Variants in AKT3 observed in about 807,000 individuals in gnomAD.
AKT3 encodes RAC-gamma serine/threonine-protein kinase.
AKT3 carries 15 observed loss-of-function variants against 65.3 expected under a neutral mutation model. That is an observed-to-expected ratio of 0.23 (90% CI 0.15 to 0.35). The LOEUF is 0.35. AKT3 is among the 10% of genes least tolerant of loss of function. AKT3 has a pLI of 1.00. For synonymous variants in AKT3, 206 were observed against 183.8 expected (o/e 1.12, Z -0.98); for missense variants, 243 against 576.5 (o/e 0.42, Z 5.92).
At chr1:243,696,688 G>A (rs1572187184) in intron 2 of AKT3, among the ~76,000 whole-genome samples, 1 of 151,912 alleles carries the variant, frequency 6.6e-6, no homozygotes, top group South Asian at 2.1e-4. Context: ...AACATCTGAA[G>A]GTTCCCCTCC....
At chr1:243,670,910 T>A (rs1683112933) in intron 3 of AKT3, among the ~76,000 whole-genome samples, 1 of 152,104 alleles carries the variant, frequency 6.6e-6, no homozygotes. Context: ...CTGCAACATG[T>A]CAGACCAAGA....
At chr1:243,768,826 C>T (rs1204280722) in intron 2 of AKT3, among the ~76,000 whole-genome samples, 1 of 139,050 alleles carries the variant, frequency 7.2e-6, no homozygotes, top group Non-Finnish European at 1.5e-5. Flanking sequence ...GACAGTGATC[C>T]GCCACAAAAA....
chr1:243,527,918 CACACACACACACACACACAG>C (rs1319291670), intron 12 of AKT3, among the ~76,000 whole-genome samples: 2,233 of 96,442 alleles, frequency 0.023, 70 homozygotes, highest in African/African-American at 0.051. Context: ...CACACACACA[CACACACACACACACACACAG>C]AGAGAGAGAG....
intron 8 of AKT3, among the ~76,000 whole-genome samples, chr1:243,578,236 A>G (rs1675088473): frequency 6.6e-6 from 1 of 152,162 alleles, no homozygotes; most frequent in Non-Finnish European, 1.5e-5. Flanking sequence ...ACGTGCATGC[A>G]TATGTTCACT....
chr1:243,548,591 A>G (rs1445373443), intron 11 of AKT3, among the ~76,000 whole-genome samples: 2 of 152,222 alleles, frequency 1.3e-5, no homozygotes, highest in Non-Finnish European at 2.9e-5. Flanking sequence ...CTTCAAAAAT[A>G]ATAACAAAAT....
chr1:243,672,927 G>A (rs931845997), intron 3 of AKT3, among the ~76,000 whole-genome samples: 16 of 152,040 alleles, frequency 1.1e-4, no homozygotes, highest in African/African-American at 3.4e-4. Flanking sequence ...CCAAATAAAC[G>A]TACTGTGGTC....
intron 2 of AKT3, among the ~76,000 whole-genome samples, chr1:243,804,634 C>A (rs1044779132): frequency 7.9e-5 from 12 of 152,130 alleles, no homozygotes; most frequent in African/African-American, 2.7e-4. Flanking sequence ...ATCACGAGGT[C>A]AGAAGATCGA....
intron 8 of AKT3, among the ~76,000 whole-genome samples, chr1:243,585,230 A>T (rs146317190): frequency 1.3e-3 from 205 of 152,284 alleles, no homozygotes; most frequent in African/African-American, 4.4e-3. Flanking sequence ...AAAAGAAATC[A>T]TACATGACAC....
intron 13 of AKT3, among the ~76,000 whole-genome samples, chr1:243,489,754 G>A (rs1035854575): frequency 2.6e-5 from 4 of 152,170 alleles, no homozygotes; most frequent in East Asian, 1.9e-4. Context: ...GCCCAGACAA[G>A]CATTACAGCT....
chr1:243,614,959 A>C (rs1191385278), intron 7 of AKT3, 137 bp downstream of exon 7: 6 of 663,502 alleles, frequency 9.0e-6, no homozygotes, highest in Non-Finnish European at 1.5e-5. Context: ...ATAAGTTATA[A>C]GAAATTTGAC....
intron 2 of AKT3, among the ~76,000 whole-genome samples, chr1:243,805,584 A>G (rs1324920255): frequency 6.6e-6 from 1 of 152,076 alleles, no homozygotes; most frequent in Non-Finnish European, 1.5e-5. Flanking sequence ...AATCCCTGAA[A>G]CTGAATTCAT....
chr1:243,574,928 T>C (rs1314403859), intron 8 of AKT3, among the ~76,000 whole-genome samples: 2 of 152,166 alleles, frequency 1.3e-5, no homozygotes, highest in Non-Finnish European at 1.5e-5. Flanking sequence ...CCTAAATCGA[T>C]ATAATATATG....
intron 2 of AKT3, among the ~76,000 whole-genome samples, chr1:243,823,770 A>G (rs1045957386): frequency 6.6e-6 from 1 of 152,208 alleles, no homozygotes; most frequent in Non-Finnish European, 1.5e-5. Context: ...ACACAAACAA[A>G]TGGAAAAACA....
At chr1:243,725,268 A>T (rs1687142641) in intron 2 of AKT3, among the ~76,000 whole-genome samples, 1 of 152,116 alleles carries the variant, frequency 6.6e-6, no homozygotes, top group Admixed American at 6.6e-5. Flanking sequence ...GAAAGTGTTG[A>T]CAGTTTCAGA....
chr1:243,657,459 A>C (rs1681894246), intron 4 of AKT3, among the ~76,000 whole-genome samples: 1 of 152,214 alleles, frequency 6.6e-6, no homozygotes, highest in Non-Finnish European at 1.5e-5. Flanking sequence ...AGATTTGTAC[A>C]CTGAAAACTA....
At position 243,616,938 on chromosome 1, in the gene AKT3, T is replaced by A. The variant is rs535900853; in HGVS notation, c.562-1777A>T. ...CAATGTCATATCGTACTATAGTTCC[T>A]AAGTTAATTAGAATAGCAAACATTG... On this transcript the variant is annotated intron_variant, in intron 6 of 13. Coordinates refer to ENST00000673466, the MANE Select transcript of AKT3 (RefSeq NM_005465.7). 1.1e-4 allele frequency among the ~76,000 whole-genome samples: 16 copies of A among 152,324 alleles called. No homozygotes were observed. In the South Asian group the frequency reaches 3.3e-3, roughly 32 times the overall value.
intron 8 of AKT3, among the ~76,000 whole-genome samples, chr1:243,589,523 G>C (rs1676077247): frequency 2.0e-5 from 3 of 152,034 alleles, no homozygotes; most frequent in Non-Finnish European, 2.9e-5. Context: ...TTATAAAAAA[G>C]ATGAGATAGC....
intron 2 of AKT3, among the ~76,000 whole-genome samples, chr1:243,720,961 G>A (rs1350338389): frequency 3.9e-5 from 6 of 152,080 alleles, no homozygotes; most frequent in African/African-American, 1.4e-4. Flanking sequence ...AGCACACAAA[G>A]TACTTTGCAC....
intron 2 of AKT3, among the ~76,000 whole-genome samples, chr1:243,724,636 G>A (rs533474806): frequency 6.6e-6 from 1 of 152,176 alleles, no homozygotes; most frequent in East Asian, 1.9e-4. Flanking sequence ...AGACCCACAA[G>A]TTCTAATTTC....
Sources: gnomAD v4.1 joint callset for allele counts (sites outside exome capture counted in the v4.1 genomes callset) on GRCh38, gnomAD v4.1.1 for gene constraint, MANE v1.5 for transcripts, NCBI Gene and HGNC (gene_info 2026-07-23, HGNC 2026-07-21) for gene names.